RGL4: variants seen among roughly 807,000 people sequenced by gnomAD.
RGL4 encodes the protein ral-GDS-related protein.
In RGL4, 41 loss-of-function variants were observed where a neutral mutation model predicts 49.6. That is an observed-to-expected ratio of 0.83 (90% CI 0.64 to 1.07). The LOEUF (loss-of-function observed/expected upper bound fraction) is 1.07, where lower values mean the gene tolerates loss of function less well. RGL4 is among the 50% of genes least tolerant of loss of function. The probability of loss-of-function intolerance (pLI) is 0.00; values close to 1 mark genes in which losing one functional copy is unlikely to be tolerated. For synonymous variants in RGL4, 255 were observed against 238.0 expected (o/e 1.07, Z -0.66); for missense variants, 610 against 591.9 (o/e 1.03, Z -0.32).
At chr22:23,696,493 T>A in intron 6 of RGL4, 121 bp from the exon 7 acceptor site, 1 of 1,561,546 alleles carries the variant, frequency 6.4e-7, no homozygotes, top group South Asian at 1.2e-5. Flanking sequence ...TCTGGGCCAG[T>A]GGTATGAGCA....
rs377224219 is a variant in RGL4, at chr22:23,696,717, G to C, written c.1161+29G>C. ...AGTGAGCCTGTGGCATGGACGGGCC[G>C]CAGGGGATCAGAGGACAGGGCTCCC... On this transcript the variant is annotated intron_variant, in intron 7 of 10. Coordinates refer to ENST00000290691, the MANE Select transcript of RGL4 (RefSeq NM_153615.2). The C allele has an allele frequency of 3.1e-6, 5 of 1,590,486 alleles. No homozygotes were observed. The African/African-American group carries it at 5.4e-5, about 17-fold the overall frequency.
chr22:23,695,476 T>TC, intron 6 of RGL4: 5 of 583,036 alleles, frequency 8.6e-6, no homozygotes, highest in Non-Finnish European at 8.6e-6. Context: ...CTGCTGCTGC[T>TC]GTCTGCAGCA....
At chr22:23,698,007 A>AGT (rs56387028) in intron 9 of RGL4, 146 bp downstream of exon 9, 213,521 of 1,193,792 alleles carry the variant, frequency 0.18, 24,844 homozygotes, top group African/African-American at 0.52. Context: ...GACCTATCCC[A>AGT]GGAGAAAATG....
rs771025822 is a variant in RGL4 at position 23,697,186 on chromosome 22, C to A, written c.1177C>A (p.Leu393Met). The change falls in exon 8 of 11, where the codon CTG becomes ATG. Residue 393 changes from leucine (L) to methionine (M), a missense_variant. Transcript: ENST00000290691. ...CTTGGCACAGGGTGTGGTCCCCTTC[C>A]TGGGGGATTTTCTGACTGAGTTACA... ...RRQKKGVVPF[L>M]GDFLTELQRL... 8.7e-6 allele frequency: 14 copies of A among 1,613,354 alleles called. No homozygotes were observed. Among genetic ancestry groups the A allele is most frequent in the Admixed American group, 1.7e-5 (1 of 59,928 alleles).
In RGL4 at chr22:23,699,160, A is replaced by T; in HGVS notation, c.*277A>T. Reference sequence around the variant, plus strand: ...TTAACTTTCGTTAAAATAAAATTTTAAAAAACTATTCAAAATGTTCTGTAG... The same window carrying T: ...TTAACTTTCGTTAAAATAAAATTTTTAAAAACTATTCAAAATGTTCTGTAG... On this transcript the variant is annotated 3_prime_UTR_variant, in exon 11 of 11. Coordinates refer to ENST00000290691, the MANE Select transcript of RGL4 (RefSeq NM_153615.2). 1 of 1,396,366 alleles carries T rather than the reference A, an allele frequency of 7.2e-7. No homozygotes were observed. The highest frequency in any genetic ancestry group is 1.4e-5 in the South Asian group (1 of 73,474). The allele number at this position is 1,396,366 out of a possible 1,614,324, so 86.5% of individuals were successfully genotyped here. A position where few individuals can be genotyped will look rare whatever the true frequency, so the allele number is the denominator to read the frequency against.
Position 23,693,774 on chromosome 22 carries a change from G to C in RGL4, c.712G>C (p.Val238Leu), listed in dbSNP as rs1232888636. The C allele has an allele frequency of 6.2e-7, 1 of 1,613,962 alleles. No individual in the cohort carries two copies. The highest frequency in any genetic ancestry group is 2.2e-5 in the East Asian group (1 of 44,874). Residue 238 changes from valine to leucine, a missense_variant, in exon 4 of 11, where the codon GTG (valine) becomes CTG (leucine). By Grantham distance (32) the Val-to-Leu change is conservative. Coordinates refer to ENST00000290691, the MANE Select transcript of RGL4 (RefSeq NM_153615.2). ...TLMDAELFKK[V>L]VLHECLGCIW... Reference sequence around the variant, plus strand: ...TCCCCCAAAGGAGCTGTTCAAGAAGGTGGTGCTCCACGAATGCTTGGGCTG... The same window carrying C: ...TCCCCCAAAGGAGCTGTTCAAGAAGCTGGTGCTCCACGAATGCTTGGGCTG...
intron 4 of RGL4, 151 bp downstream of exon 4, chr22:23,694,125 TC>T: frequency 1.3e-6 from 1 of 775,000 alleles, no homozygotes; most frequent in Non-Finnish European, 2.1e-6. Flanking sequence ...TCACCTTGAC[TC>T]CCACGGCCCA....
At position 23,692,202 on chromosome 22, in the gene RGL4, G is replaced by A. The variant is rs1341263425; in HGVS notation, c.172G>A (p.Gly58Ser). 2 of 1,612,828 alleles carry A rather than the reference G, an allele frequency of 1.2e-6. No homozygotes were observed. The highest frequency in any genetic ancestry group is 1.3e-5 in the African/African-American group (1 of 74,906). The change falls in exon 1 of 11, where the codon GGC becomes AGC. Residue 58 changes from glycine to serine, a missense_variant. Physicochemically the swap from Gly to Ser is moderately conservative, Grantham distance 56. Coordinates refer to ENST00000290691, the MANE Select transcript of RGL4 (RefSeq NM_153615.2). ...CTGCCCCTTCCAGGACAGCACTGAT[G>A]GCTTACGGTAGGGTGGGGCTGTCCT... Reference protein sequence around the residue: ...QVCPFQDSTDGLRTITSILFN... With the variant: ...QVCPFQDSTDSLRTITSILFN...
In RGL4 at chr22:23,694,449, A is replaced by C. The variant is rs774777823; in HGVS notation, c.1015A>C (p.Ser339Arg). The C allele has an allele frequency of 3.2e-5, 51 of 1,605,294 alleles. No homozygotes were observed. The South Asian group carries it at 5.6e-4, about 18-fold the overall frequency. The part of the protein sequence containing the change: ...QLHKTWAGVS[S>R]KSMKELKELC... ...ACACAAGACGTGGGCAGGAGTGTCCAGGTGAGGAGGGCTCTCTCCATGGCA... is the reference window on the plus strand; with the variant it reads ...ACACAAGACGTGGGCAGGAGTGTCCCGGTGAGGAGGGCTCTCTCCATGGCA... Residue 339 changes from serine to arginine, a missense_variant and splice_region_variant, in exon 5 of 11, where the codon AGC becomes CGC. Physicochemically the swap from Ser to Arg is moderately radical, Grantham distance 110. Transcript: ENST00000290691.
Position 23,699,047 on chromosome 22 carries a change from G to A in RGL4, c.*164G>A, listed in dbSNP as rs751019372. 1.3e-6 allele frequency: 2 copies of A among 1,546,152 alleles called. No homozygotes were observed. Among genetic ancestry groups the A allele is most frequent in the South Asian group, 1.2e-5 (1 of 83,328 alleles). ...ATCCTCATCACCAACTGCTCCTGCT[G>A]GCCAGGATCAGGCCATGGGACTTTT... On this transcript the variant is annotated 3_prime_UTR_variant, in exon 11 of 11. Coordinates refer to ENST00000290691, the MANE Select transcript of RGL4 (RefSeq NM_153615.2).
At chr22:23,694,263 A>T in intron 4 of RGL4, 84 bp from the exon 5 acceptor site, 1 of 1,067,350 alleles carries the variant, frequency 9.4e-7, no homozygotes, top group East Asian at 2.4e-5. Flanking sequence ...TTCATCCAGG[A>T]GGGGAGATCT....
At chr22:23,698,084 G>T in intron 9 of RGL4, 128 bp from the exon 10 acceptor site, 1 of 1,319,538 alleles carries the variant, frequency 7.6e-7, no homozygotes, top group Non-Finnish European at 1.0e-6. Flanking sequence ...TCTGAGAACA[G>T]GCTGGGGGCG....
intron 2 of RGL4, 25 bp from the exon 3 acceptor site, chr22:23,692,644 G>A: frequency 6.3e-7 from 1 of 1,579,050 alleles, no homozygotes; most frequent in East Asian, 2.3e-5. Flanking sequence ...AATGACTGGT[G>A]TGGTGACCTT....
chr22:23,694,321 C>G lies in RGL4; in HGVS notation c.913-26C>G. 6 of 1,557,004 alleles carry G rather than the reference C, an allele frequency of 3.9e-6. No homozygotes were observed. The African/African-American group carries it at 6.8e-5, about 18-fold the overall frequency. On this transcript the variant is annotated intron_variant, in intron 4 of 10. Transcript: ENST00000290691. ...AGTGGGCCAAGCTCCAACTCTGAACCGCACAGCTCATTCTTCCCTCTCCAG... is the reference window on the plus strand; with the variant it reads ...AGTGGGCCAAGCTCCAACTCTGAACGGCACAGCTCATTCTTCCCTCTCCAG...
chr22:23,696,157 G>A (rs1423406521), intron 6 of RGL4, among the ~76,000 whole-genome samples: 1 of 152,218 alleles, frequency 6.6e-6, no homozygotes, highest in Non-Finnish European at 1.5e-5. Flanking sequence ...AGGAGCAGAA[G>A]GAGGCGTCCT....
chr22:23,695,439 C>CTGT (rs763413406), intron 6 of RGL4: 4,320 of 114,688 alleles, frequency 0.038, 18 homozygotes, highest in Middle Eastern at 0.078. Flanking sequence ...AGCCAGGCCT[C>CTGT]TGCTGCTGCT....
At chr22:23,693,693 C>A in intron 3 of RGL4, 66 bp from the exon 4 acceptor site, 2 of 1,310,894 alleles carry the variant, frequency 1.5e-6, no homozygotes, top group Non-Finnish European at 2.2e-6. Context: ...CAGTCCCTGC[C>A]TGGGACTGTG....
rs1266902382 is a variant in RGL4, at chr22:23,695,264, C to T, written c.1086+245C>T. 1.0e-5 allele frequency: 5 copies of T among 477,492 alleles called. No individual in the cohort carries two copies. The Admixed American group carries it at 1.5e-4, about 14-fold the overall frequency. 29.6% of individuals were successfully genotyped at this position (477,492 alleles called of 1,614,324 possible). ...TGGAAATGGGATGTGGCAATGGCTG[C>T]TGGGCTGCTGGGCTGCTGAGCAGGG... On this transcript the variant is annotated intron_variant, in intron 6 of 10. Transcript: ENST00000290691.
chr22:23,692,901 G>A lies in RGL4; in HGVS notation c.606G>A (p.Gly202=). 2 of 1,613,632 alleles carry A rather than the reference G, an allele frequency of 1.2e-6. No homozygotes were observed. The highest frequency in any genetic ancestry group is 1.7e-6 in the Non-Finnish European group (2 of 1,180,022). The change falls in exon 3 of 11, where the codon GGG becomes GGA. Residue 202 remains glycine, a synonymous_variant. Transcript: ENST00000290691. ...SAPESSCPCR[G]SVKNQPSEEL... is the part of the protein sequence containing the mutation. ...CAGAGTCCTCCTGTCCCTGTCGTGG[G>A]TCTGTAAAGAACCAACCCAGTGAGG...
Sources: gnomAD v4.1 joint callset for allele counts (sites outside exome capture counted in the v4.1 genomes callset) on GRCh38, gnomAD v4.1.1 for gene constraint, MANE v1.5 for transcripts, NCBI Gene and HGNC (gene_info 2026-07-23, HGNC 2026-07-21) for gene names.